ABTB3: variants seen among roughly 807,000 people sequenced by gnomAD.
ABTB3 encodes the protein ankyrin repeat and BTB domain containing 3, also known as ankyrin repeat- and BTB/POZ domain-containing protein 3.
the ABTB3 span, among the ~76,000 whole-genome samples, chr12:107,569,989 C>G: frequency 2.0e-5 from 3 of 152,202 alleles, no homozygotes; most frequent in Non-Finnish European, 4.4e-5. Context: ...GGCCTCTTCC[C>G]TTTGGGGCCC....
chr12:107,470,975 AG>A, the ABTB3 span, among the ~76,000 whole-genome samples: 2 of 152,234 alleles, frequency 1.3e-5, no homozygotes, highest in South Asian at 4.1e-4. Flanking sequence ...AGCCCCTTAG[AG>A]CAGTTGTTGT....
chr12:107,409,810 C>A, the ABTB3 span, among the ~76,000 whole-genome samples: 1 of 152,130 alleles, frequency 6.6e-6, no homozygotes, highest in Admixed American at 6.5e-5. Flanking sequence ...ACTTGTTTAC[C>A]TATGTAACAA....
the ABTB3 span, chr12:107,635,391 G>A: frequency 1.2e-6 from 2 of 1,613,528 alleles, no homozygotes; most frequent in Admixed American, 3.3e-5. Flanking sequence ...TCGCGCTTGG[G>A]TGAGTGGTTC....
chr12:107,545,246 T>C, the ABTB3 span, among the ~76,000 whole-genome samples: 1 of 152,060 alleles, frequency 6.6e-6, no homozygotes, highest in Non-Finnish European at 1.5e-5. Flanking sequence ...TTTTTCTTTT[T>C]CTTTTTTTTT....
chr12:107,654,591 G>T, the ABTB3 span, among the ~76,000 whole-genome samples: 3 of 152,096 alleles, frequency 2.0e-5, no homozygotes, highest in Non-Finnish European at 2.9e-5. Flanking sequence ...GAGCCACCGC[G>T]CCTGGCCTCA....
At chr12:107,635,238 G>A in the ABTB3 span, 1 of 1,554,230 alleles carries the variant, frequency 6.4e-7, no homozygotes, top group Non-Finnish European at 8.8e-7. Flanking sequence ...CTTGACTGAG[G>A]CTGGCCACAG....
At chr12:107,436,691 C>A in the ABTB3 span, among the ~76,000 whole-genome samples, 1 of 152,166 alleles carries the variant, frequency 6.6e-6, no homozygotes, top group African/African-American at 2.4e-5. Flanking sequence ...AGAGGGTGAG[C>A]GAGTTTCTCT....
chr12:107,634,324 T>G, the ABTB3 span, among the ~76,000 whole-genome samples: 90 of 152,326 alleles, frequency 5.9e-4, no homozygotes, highest in Non-Finnish European at 1.1e-3. Flanking sequence ...GTAGAAAATA[T>G]AAATAAAAGA....
the ABTB3 span, among the ~76,000 whole-genome samples, chr12:107,482,901 TCTCTCTTTC>T: frequency 6.6e-6 from 1 of 150,950 alleles, no homozygotes; most frequent in Non-Finnish European, 1.5e-5. Context: ...GTTCTCTCTC[TCTCTCTTTC>T]TTCTTCTTTC....
the ABTB3 span, among the ~76,000 whole-genome samples, chr12:107,546,860 A>C: frequency 6.6e-6 from 1 of 152,144 alleles, no homozygotes; most frequent in Non-Finnish European, 1.5e-5. Flanking sequence ...GTGAGATTCC[A>C]TCTCAAAATA....
the ABTB3 span, among the ~76,000 whole-genome samples, chr12:107,321,007 C>A: frequency 6.6e-6 from 1 of 152,164 alleles, no homozygotes; most frequent in Non-Finnish European, 1.5e-5. Context: ...GGGGCCGGGG[C>A]GCTTGTTTTC....
At chr12:107,357,433 C>T in the ABTB3 span, among the ~76,000 whole-genome samples, 1 of 152,008 alleles carries the variant, frequency 6.6e-6, no homozygotes, top group Non-Finnish European at 1.5e-5. Context: ...CATAGGGAGA[C>T]CCCATCTCTA....
chr12:107,389,999 T>C, the ABTB3 span, among the ~76,000 whole-genome samples: 1 of 152,066 alleles, frequency 6.6e-6, no homozygotes, highest in Admixed American at 6.5e-5. Flanking sequence ...AAATTGGACT[T>C]CTTAAATGGT....
the ABTB3 span, chr12:107,618,016 G>C: frequency 4.9e-5 from 35 of 710,884 alleles, no homozygotes; most frequent in Admixed American, 2.8e-5. Flanking sequence ...CCACTGTTAG[G>C]CCTCTGAAAG....
the ABTB3 span, chr12:107,657,844 C>T: frequency 4.6e-6 from 4 of 878,888 alleles, no homozygotes; most frequent in Non-Finnish European, 5.4e-6. Context: ...GCCTCTACTG[C>T]TCCCACGTGT....
chr12:107,500,922 A>G, the ABTB3 span, among the ~76,000 whole-genome samples: 3 of 152,310 alleles, frequency 2.0e-5, no homozygotes, highest in African/African-American at 7.2e-5. Context: ...ATGCCTTATG[A>G]GACCTTTCCT....
chr12:107,389,629 T>TA, the ABTB3 span, among the ~76,000 whole-genome samples: 2 of 152,022 alleles, frequency 1.3e-5, no homozygotes, highest in Non-Finnish European at 2.9e-5. Flanking sequence ...CATAGTAACT[T>TA]AAAAAAACAA....
the ABTB3 span, among the ~76,000 whole-genome samples, chr12:107,469,925 TC>T: frequency 8.9e-6 from 1 of 112,738 alleles, no homozygotes; most frequent in African/African-American, 4.0e-5. Context: ...TTTCTTTCTC[TC>T]TCTCTCTCTT....
At chr12:107,350,762 G>A in the ABTB3 span, among the ~76,000 whole-genome samples, 1 of 152,152 alleles carries the variant, frequency 6.6e-6, no homozygotes, top group Non-Finnish European at 1.5e-5. Flanking sequence ...ACACATTCTT[G>A]TCTTCTCTTG....
Sources: allele counts gnomAD v4.1 joint callset (sites outside exome capture counted in the v4.1 genomes callset), GRCh38; gene constraint gnomAD v4.1.1; transcripts MANE v1.5; gene names NCBI Gene and HGNC (gene_info 2026-07-23, HGNC 2026-07-21).